The following TACC2 variants were observed in gnomAD, a reference collection of about 807,000 sequenced individuals.
TACC2 encodes the protein transforming acidic coiled-coil-containing protein 2.
Under a neutral mutation model 227.3 loss-of-function variants are expected in TACC2, and 137 were observed. The ratio of observed to expected loss-of-function variants is 0.60; its 90% CI spans 0.52 to 0.69. The LOEUF (loss-of-function observed/expected upper bound fraction) is 0.69. Ranked by LOEUF, TACC2 falls within the 30% of genes least tolerant of loss-of-function variation. TACC2 has a pLI of 0.00. For missense variants in TACC2, 3,470 were observed against 3,694.4 expected, an observed-to-expected ratio of 0.94 and a Z score of 1.57; for synonymous variants, 1,523 against 1,487.5, an observed-to-expected ratio of 1.02 and a Z score of -0.55.
chr10:122,047,554 T>C (rs779662440), intron 2 of TACC2, among the ~76,000 whole-genome samples: 7 of 152,264 alleles, frequency 4.6e-5, no homozygotes, highest in Non-Finnish European at 7.3e-5. Context: ...CAGCTCTTTC[T>C]GCCTCCTTCA....
chr10:122,067,446 A>T (rs1233701303), intron 3 of TACC2, among the ~76,000 whole-genome samples: 4 of 148,948 alleles, frequency 2.7e-5, no homozygotes, highest in African/African-American at 9.9e-5. Flanking sequence ...TCACTTTTTC[A>T]CTGGTTTGAA....
chr10:122,146,873 CT>C (rs374785710), intron 7 of TACC2, among the ~76,000 whole-genome samples: 42 of 152,158 alleles, frequency 2.8e-4, no homozygotes, highest in Non-Finnish European at 4.4e-5. Flanking sequence ...TTGGCTGTGG[CT>C]GTTTCTTCTT....
At chr10:122,222,782 G>A (rs1027559109) in intron 11 of TACC2, among the ~76,000 whole-genome samples, 1 of 152,186 alleles carries the variant, frequency 6.6e-6, no homozygotes, top group Admixed American at 6.5e-5. Flanking sequence ...TTGCTCGTTT[G>A]GTGTGTCCTG....
chr10:122,110,270 AG>A (rs1347394218), intron 5 of TACC2, among the ~76,000 whole-genome samples: 2 of 152,096 alleles, frequency 1.3e-5, no homozygotes, highest in Non-Finnish European at 2.9e-5. Flanking sequence ...AGGTATCCCA[AG>A]ACCGCACAAG....
chr10:122,253,478 C>G (rs2096286704), intron 22 of TACC2, among the ~76,000 whole-genome samples: 1 of 152,156 alleles, frequency 6.6e-6, no homozygotes, highest in African/African-American at 2.4e-5. Flanking sequence ...CATCTGCCCC[C>G]CACCCCCCAT....
intron 5 of TACC2, among the ~76,000 whole-genome samples, chr10:122,102,799 C>G (rs2082322768): frequency 6.6e-6 from 1 of 152,172 alleles, no homozygotes; most frequent in Non-Finnish European, 1.5e-5. Context: ...AGGGAAAATG[C>G]CGAGGCCACA....
intron 1 of TACC2, among the ~76,000 whole-genome samples, chr10:122,003,578 A>T (rs919289344): frequency 2.0e-5 from 3 of 152,166 alleles, no homozygotes; most frequent in Non-Finnish European, 2.9e-5. Flanking sequence ...TCCTGTGGTC[A>T]CTTCCGGATG....
chr10:122,114,810 C>T (rs147753264), intron 5 of TACC2, among the ~76,000 whole-genome samples: 2 of 152,208 alleles, frequency 1.3e-5, no homozygotes, highest in African/African-American at 2.4e-5. Context: ...TCAAATGCTG[C>T]CGCCTCTGTG....
At chr10:122,245,834 T>C (rs915023918) in intron 19 of TACC2, among the ~76,000 whole-genome samples, 2 of 152,172 alleles carry the variant, frequency 1.3e-5, no homozygotes, top group Admixed American at 6.5e-5. Flanking sequence ...AAATACTCTT[T>C]CTTCCTATTT....
intron 7 of TACC2, among the ~76,000 whole-genome samples, chr10:122,161,005 C>T (rs1379325490): frequency 2.6e-5 from 4 of 152,072 alleles, no homozygotes; most frequent in African/African-American, 4.8e-5. Context: ...TGCAGTGGCA[C>T]GATCATGGCT....
intron 11 of TACC2, among the ~76,000 whole-genome samples, 194 bp from the exon 12 acceptor site, chr10:122,224,532 G>A (rs147059397): frequency 2.4e-4 from 37 of 152,208 alleles, no homozygotes; most frequent in Non-Finnish European, 1.8e-4. Flanking sequence ...GACATTTACC[G>A]TTTGTCTGAA....
intron 9 of TACC2, chr10:122,213,236 C>T (rs879210402): frequency 1.8e-5 from 21 of 1,158,074 alleles, no homozygotes; most frequent in Admixed American, 7.1e-5. Context: ...TGCCCTACAG[C>T]GGTGGCCGCC....
rs1380027579 is a variant in TACC2, at chr10:122,174,364, C to T, written c.5835-20676C>T. 4.6e-5 allele frequency among the ~76,000 whole-genome samples: 7 copies of T among 152,304 alleles called. No homozygotes were observed. The East Asian group carries it at 7.7e-4, about 17-fold the overall frequency. ...CTAGTGGGCAATGGCACTGGCTCAG[C>T]GCAGACCTGCCCTAGGTTTCTGGGC... On this transcript the variant is annotated intron_variant, in intron 7 of 22. Transcript: ENST00000369005.
chr10:122,058,893 T>TG (rs1367126520), intron 3 of TACC2, among the ~76,000 whole-genome samples: 1 of 67,742 alleles, frequency 1.5e-5, no homozygotes, highest in African/African-American at 3.7e-5. Context: ...CCCCTCTGTG[T>TG]GTTTTTTTTT....
At chr10:122,213,237 G>A (rs1482012754) in intron 9 of TACC2, 12 of 1,174,270 alleles carry the variant, frequency 1.0e-5, no homozygotes, top group Admixed American at 3.5e-5. Flanking sequence ...GCCCTACAGC[G>A]GTGGCCGCCA....
At chr10:122,215,885 G>A (rs2095394581) in intron 10 of TACC2, among the ~76,000 whole-genome samples, 1 of 152,156 alleles carries the variant, frequency 6.6e-6, no homozygotes, top group South Asian at 2.1e-4. Context: ...AAAGAAGTGG[G>A]GCTTAGGTTC....
chr10:122,168,653 G>A (rs1430170459), intron 7 of TACC2, among the ~76,000 whole-genome samples: 1 of 152,158 alleles, frequency 6.6e-6, no homozygotes, highest in African/African-American at 2.4e-5. Context: ...ACCCTGTCGA[G>A]GATGGGGTGA....
At chr10:122,136,545 G>GTATATATATATATA (rs34534253) in intron 6 of TACC2, among the ~76,000 whole-genome samples, 26 of 54,956 alleles carry the variant, frequency 4.7e-4, no homozygotes, top group Admixed American at 1.2e-3. Flanking sequence ...GTGTGTGTGT[G>GTATATATATATATA]TATATATATA....
intron 5 of TACC2, among the ~76,000 whole-genome samples, chr10:122,130,407 G>A (rs551658616): frequency 2.6e-5 from 4 of 152,198 alleles, no homozygotes; most frequent in East Asian, 3.9e-4. Context: ...CCCTGAATGG[G>A]GGGTAGGGCT....
Sources: allele counts gnomAD v4.1 joint callset (sites outside exome capture counted in the v4.1 genomes callset), GRCh38; gene constraint gnomAD v4.1.1; transcripts MANE v1.5; gene names NCBI Gene and HGNC (gene_info 2026-07-23, HGNC 2026-07-21).